The following GABRG1 variants were observed in gnomAD, a reference collection of about 807,000 sequenced individuals.
GABRG1 encodes the protein gamma-aminobutyric acid type A receptor subunit gamma1.
In GABRG1, 49 loss-of-function variants were observed where a neutral mutation model predicts 49.8. The observed-to-expected ratio is 0.98, with a 90% CI of 0.78 to 1.25. The LOEUF (loss-of-function observed/expected upper bound fraction) is 1.25, where lower values mean the gene tolerates loss of function less well. Among genes scored for constraint, GABRG1 ranks in the 50% most tolerant of loss-of-function variants. The pLI, the probability that GABRG1 is intolerant of heterozygous loss-of-function variation, is 0.00. For missense variants in GABRG1, 552 were observed against 552.3 expected (o/e 1.00, Z 0.01); for synonymous variants, 232 against 185.1 (o/e 1.25, Z -2.06).
intron 2 of GABRG1, among the ~76,000 whole-genome samples, chr4:46,086,601 G>T (rs941663745): frequency 6.6e-6 from 1 of 151,342 alleles, no homozygotes; most frequent in African/African-American, 2.4e-5. Flanking sequence ...CCTTAAAAAA[G>T]AGAAATAGTC....
In GABRG1 at chr4:46,065,428, A is replaced by G; in HGVS notation, c.478T>C (p.Trp160Arg). 6.2e-7 allele frequency: 1 copy of G among 1,613,590 alleles called. No homozygotes were observed. The highest frequency in any genetic ancestry group is 8.5e-7 in the Non-Finnish European group (1 of 1,179,776). Reference protein sequence around the residue: ...FRNSRKSDAHWITTPNRLLRI... With the variant: ...FRNSRKSDAHRITTPNRLLRI... ...AGCAGACGATTAGGAGTTGTTATCC[A>G]GTGAGCATCAGATTTTCTTGAGTTT... The change falls in exon 4 of 9, where the codon TGG (tryptophan) becomes CGG (arginine). Residue 160 changes from tryptophan (W) to arginine (R), a missense_variant. Transcript: ENST00000295452.
intron 2 of GABRG1, among the ~76,000 whole-genome samples, chr4:46,093,286 A>C (rs2109429086): frequency 6.6e-6 from 1 of 152,168 alleles, no homozygotes; most frequent in Admixed American, 6.6e-5. Context: ...AAAAAGGATA[A>C]GATTCTGTCA....
intron 1 of GABRG1, among the ~76,000 whole-genome samples, 190 bp downstream of exon 1, chr4:46,123,620 A>C (rs1335500956): frequency 6.6e-6 from 1 of 152,156 alleles, no homozygotes; most frequent in Admixed American, 6.6e-5. Flanking sequence ...CTCATGCTTC[A>C]GAAATATGTT....
At chr4:46,071,781 A>G (rs1202010147) in intron 3 of GABRG1, among the ~76,000 whole-genome samples, 1 of 152,066 alleles carries the variant, frequency 6.6e-6, no homozygotes, top group Non-Finnish European at 1.5e-5. Flanking sequence ...CAAAGAAAAT[A>G]CTTTGTACAG....
intron 1 of GABRG1, among the ~76,000 whole-genome samples, chr4:46,117,450 A>G (rs141858366): frequency 6.7e-6 from 1 of 150,158 alleles, no homozygotes; most frequent in East Asian, 2.0e-4. Flanking sequence ...TTACACAACC[A>G]GAGTAAAGGT....
intron 2 of GABRG1, among the ~76,000 whole-genome samples, chr4:46,086,316 C>G (rs540596790): frequency 6.6e-6 from 1 of 151,606 alleles, no homozygotes; most frequent in East Asian, 1.9e-4. Context: ...CATTCAGATT[C>G]CAAGTAGCAA....
chr4:46,106,306 C>T (rs1331672178), intron 1 of GABRG1, among the ~76,000 whole-genome samples: 1 of 151,348 alleles, frequency 6.6e-6, no homozygotes, highest in Non-Finnish European at 1.5e-5. Context: ...CCCCAGCTTT[C>T]CTGATGTTTG....
chr4:46,059,910 C>G (rs1273968319), intron 5 of GABRG1, among the ~76,000 whole-genome samples: 1 of 152,172 alleles, frequency 6.6e-6, no homozygotes, highest in African/African-American at 2.4e-5. Flanking sequence ...TGAGGAACTG[C>G]TTGTTCAATT....
chr4:46,099,293 T>C (rs1015732755), intron 1 of GABRG1, among the ~76,000 whole-genome samples: 2 of 151,758 alleles, frequency 1.3e-5, no homozygotes, highest in African/African-American at 4.8e-5. Context: ...AGCAGTGGGT[T>C]TAGTGTCAGT....
At chr4:46,046,594 G>T (rs1313844703) in intron 8 of GABRG1, among the ~76,000 whole-genome samples, 1 of 152,032 alleles carries the variant, frequency 6.6e-6, no homozygotes, top group Non-Finnish European at 1.5e-5. Context: ...GTAGACAAAT[G>T]TTTATTCAAT....
At chr4:46,081,894 C>T (rs1204911969) in intron 3 of GABRG1, among the ~76,000 whole-genome samples, 1 of 151,820 alleles carries the variant, frequency 6.6e-6, no homozygotes, top group Non-Finnish European at 1.5e-5. Context: ...TGTAAGGACA[C>T]AGTGAGAAAG....
intron 2 of GABRG1, among the ~76,000 whole-genome samples, chr4:46,090,181 T>C (rs1215991027): frequency 1.3e-5 from 2 of 152,058 alleles, no homozygotes; most frequent in Non-Finnish European, 2.9e-5. Flanking sequence ...TTAAGTCACC[T>C]ATGATGTAGT....
intron 7 of GABRG1, among the ~76,000 whole-genome samples, chr4:46,055,157 G>C (rs1434693844): frequency 2.3e-4 from 3 of 13,234 alleles, no homozygotes; most frequent in Admixed American, 1.7e-3. Flanking sequence ...CCATCAGAGT[G>C]AACAGGCAAC....
rs1206837915 is a variant in GABRG1 at position 46,117,884 on chromosome 4, ATC to A, written c.104+5924_104+5925del. Among the ~76,000 whole-genome samples the A allele has an allele frequency of 6.4e-3, 150 of 23,296 alleles. 5 individuals are homozygous for A. The highest frequency in any genetic ancestry group is 0.044 in the African/African-American group (139 of 3,152). 15.3% of individuals were successfully genotyped at this position (23,296 alleles called of 152,430 possible). Reference sequence around the variant, plus strand: ...CATATATACATATGTATACATGTGTATCTATATACATATATACATATGTATAC... The same window carrying A: ...CATATATACATATGTATACATGTGTATATATACATATATACATATGTATAC... On this transcript the variant is annotated intron_variant, in intron 1 of 8. Coordinates refer to ENST00000295452, the MANE Select transcript of GABRG1 (RefSeq NM_173536.4).
chr4:46,071,011 G>A (rs75918397), intron 3 of GABRG1, among the ~76,000 whole-genome samples: 192 of 152,108 alleles, frequency 1.3e-3, no homozygotes, highest in Middle Eastern at 6.8e-3. Flanking sequence ...GATGTACAAC[G>A]TTGGTACCAT....
At chr4:46,106,843 G>T (rs1218469047) in intron 1 of GABRG1, among the ~76,000 whole-genome samples, 1 of 151,002 alleles carries the variant, frequency 6.6e-6, no homozygotes, top group Non-Finnish European at 1.5e-5. Flanking sequence ...CATGAGTGAG[G>T]AAGAATCTGT....
rs565681237 is a variant in GABRG1, at chr4:46,097,366, A to C, written c.105-17T>G. On this transcript the variant is annotated splice_polypyrimidine_tract_variant and intron_variant, in intron 1 of 8. Transcript: ENST00000295452. ...TTATCAACACTAAATAATTCAAAGA[A>C]AAAAATGGATGGTAGAAGGTTCAAT... 6.3e-7 allele frequency: 1 copy of C among 1,594,502 alleles called. No homozygotes were observed. Among genetic ancestry groups the C allele is most frequent in the East Asian group, 2.3e-5 (1 of 44,350 alleles).
At chr4:46,043,901 G>T (rs1717882637) in intron 8 of GABRG1, among the ~76,000 whole-genome samples, 1 of 150,900 alleles carries the variant, frequency 6.6e-6, no homozygotes, top group African/African-American at 2.4e-5. Context: ...CAAATAAATG[G>T]GAAGTGATAA....
intron 2 of GABRG1, among the ~76,000 whole-genome samples, chr4:46,090,777 T>C (rs1290658739): frequency 6.6e-6 from 1 of 151,982 alleles, no homozygotes; most frequent in Non-Finnish European, 1.5e-5. Context: ...ACATTACTCT[T>C]TGGCCACTTC....
Sources: gnomAD v4.1 joint callset for allele counts (sites outside exome capture counted in the v4.1 genomes callset) on GRCh38, gnomAD v4.1.1 for gene constraint, MANE v1.5 for transcripts, NCBI Gene and HGNC (gene_info 2026-07-23, HGNC 2026-07-21) for gene names.